ABHD18: variants seen among roughly 807,000 people sequenced by gnomAD.
The protein encoded by ABHD18 is abhydrolase domain containing 18, also known as cardiolipin-specific deacylase, mitochondrial.
A neutral mutation model predicts 65.9 loss-of-function variants in ABHD18; 55 were observed. The ratio of observed to expected loss-of-function variants is 0.84; its 90% CI spans 0.67 to 1.05. ABHD18 has a LOEUF of 1.05. Ranked by LOEUF, ABHD18 falls within the 50% of genes least tolerant of loss-of-function variation. The pLI is 0.00. For missense variants in ABHD18, 533 were observed against 558.5 expected (o/e 0.95, Z 0.46); for synonymous variants, 181 against 180.2 (o/e 1.00, Z -0.04).
chr4:127,976,380 C>T (rs1436875009), intron 1 of ABHD18, among the ~76,000 whole-genome samples: 6 of 152,092 alleles, frequency 3.9e-5, no homozygotes, highest in Non-Finnish European at 1.5e-5. Flanking sequence ...TTATTCTTCT[C>T]ATTAATTATA....
At chr4:128,024,127 G>A (rs1041798716) in intron 10 of ABHD18, among the ~76,000 whole-genome samples, 1 of 152,186 alleles carries the variant, frequency 6.6e-6, no homozygotes, top group African/African-American at 2.4e-5. Context: ...AGGCTAGAAA[G>A]TCCAAGGTTG....
intron 3 of ABHD18, among the ~76,000 whole-genome samples, chr4:127,986,065 TG>T (rs1257737124): frequency 6.6e-6 from 1 of 152,142 alleles, no homozygotes; most frequent in African/African-American, 2.4e-5. Context: ...TACAATTGAA[TG>T]GTTTTTAAAT....
chr4:127,997,165 A>G (rs1036721421), intron 4 of ABHD18, among the ~76,000 whole-genome samples: 4 of 152,252 alleles, frequency 2.6e-5, no homozygotes, highest in African/African-American at 9.6e-5. Context: ...GTAAGAAATT[A>G]TAAAAGTATT....
At chr4:128,014,146 G>A (rs1755077118) in intron 7 of ABHD18, among the ~76,000 whole-genome samples, 1 of 151,926 alleles carries the variant, frequency 6.6e-6, no homozygotes, top group African/African-American at 2.4e-5. Flanking sequence ...ACCACGCCCA[G>A]CTAATTTTGT....
intron 8 of ABHD18, among the ~76,000 whole-genome samples, chr4:128,018,107 G>A (rs936159743): frequency 3.3e-5 from 5 of 152,054 alleles, no homozygotes; most frequent in African/African-American, 1.2e-4. Context: ...TTTCACCTAG[G>A]AGTAACAGCT....
chr4:127,988,135 G>A (rs1245407663), intron 3 of ABHD18, among the ~76,000 whole-genome samples: 1 of 152,188 alleles, frequency 6.6e-6, no homozygotes, highest in Non-Finnish European at 1.5e-5. Context: ...CATGATAATA[G>A]TAGCGTTTTA....
intron 6 of ABHD18, 94 bp from the exon 7 acceptor site, chr4:128,011,579 A>G: frequency 1.1e-6 from 1 of 891,758 alleles, no homozygotes; most frequent in South Asian, 1.7e-5. Context: ...TTATTTCAGT[A>G]TTAAATTGTG....
intron 10 of ABHD18, among the ~76,000 whole-genome samples, chr4:128,025,760 G>A (rs1445794082): frequency 6.6e-6 from 1 of 152,166 alleles, no homozygotes; most frequent in East Asian, 1.9e-4. Context: ...CAAATTCAGT[G>A]TGTTATCAAA....
intron 7 of ABHD18, among the ~76,000 whole-genome samples, chr4:128,015,939 A>G (rs1755401764): frequency 6.6e-6 from 1 of 150,458 alleles, no homozygotes; most frequent in South Asian, 2.1e-4. Flanking sequence ...CCAAAAAGAT[A>G]TATTTAAATA....
chr4:127,981,323 A>T (rs1223149292), intron 1 of ABHD18, among the ~76,000 whole-genome samples: 1 of 152,216 alleles, frequency 6.6e-6, no homozygotes, highest in African/African-American at 2.4e-5. Flanking sequence ...AGATTTTTTT[A>T]AATTACCAAA....
chr4:128,008,281 TTTTTTTTTG>T (rs1753966452), intron 4 of ABHD18, among the ~76,000 whole-genome samples: 2 of 136,940 alleles, frequency 1.5e-5, no homozygotes, highest in African/African-American at 5.5e-5. Context: ...TTTTTTTTTT[TTTTTTTTTG>T]AGACGGAGTC....
chr4:128,034,658 C>CT (rs1002042490), intron 12 of ABHD18, among the ~76,000 whole-genome samples: 38 of 148,674 alleles, frequency 2.6e-4, no homozygotes, highest in African/African-American at 6.9e-4. Flanking sequence ...CTTTTTCTTT[C>CT]TTTTTTTTTT....
At chr4:128,001,732 C>A in intron 4 of ABHD18, 2 of 1,547,026 alleles carry the variant, frequency 1.3e-6, no homozygotes, top group Non-Finnish European at 8.7e-7. Context: ...TGATGAAATG[C>A]TTGATACCAA....
rs189311112 is a variant in ABHD18, at chr4:128,015,610, A to T, written c.471-1753A>T. On this transcript the variant is annotated intron_variant, in intron 7 of 12. Transcript: ENST00000645843. Reference sequence around the variant, plus strand: ...GGACGAAGGATAGCATAGTTTCCATAAAAAGAAACCCTCCCTTCTGGACTT... The same window carrying T: ...GGACGAAGGATAGCATAGTTTCCATTAAAAGAAACCCTCCCTTCTGGACTT... 2.2e-3 allele frequency among the ~76,000 whole-genome samples: 341 copies of T among 152,300 alleles called. 2 individuals carry two copies. Among genetic ancestry groups the T allele is most frequent in the African/African-American group, 7.7e-3 (318 of 41,566 alleles).
At chr4:128,009,952 A>G (rs1754256634) in intron 6 of ABHD18, among the ~76,000 whole-genome samples, 1 of 152,240 alleles carries the variant, frequency 6.6e-6, no homozygotes, top group Admixed American at 6.5e-5. Flanking sequence ...ACTGTGATTC[A>G]TAATATTGGA....
At chr4:127,982,791 T>C (rs1749283765) in intron 1 of ABHD18, 148 bp from the exon 2 acceptor site, 2 of 528,138 alleles carry the variant, frequency 3.8e-6, no homozygotes, top group Non-Finnish European at 6.6e-6. Context: ...CTCTTTTTTT[T>C]CCCCCAAATC....
intron 1 of ABHD18, among the ~76,000 whole-genome samples, chr4:127,979,099 A>G (rs1748502115): frequency 6.6e-6 from 1 of 152,208 alleles, no homozygotes; most frequent in Non-Finnish European, 1.5e-5. Context: ...CAACAAACCA[A>G]ATATTTATCA....
intron 12 of ABHD18, among the ~76,000 whole-genome samples, chr4:128,031,925 A>C (rs1758274966): frequency 6.6e-6 from 1 of 152,216 alleles, no homozygotes; most frequent in African/African-American, 2.4e-5. Context: ...AATAAACAAA[A>C]ATCCGTGACT....
intron 4 of ABHD18, among the ~76,000 whole-genome samples, chr4:127,999,157 G>A (rs184371191): frequency 4.6e-5 from 7 of 152,124 alleles, no homozygotes; most frequent in Admixed American, 2.6e-4. Context: ...GGTGGTGCAC[G>A]TCTGGAATCC....
Sources: allele counts gnomAD v4.1 joint callset (sites outside exome capture counted in the v4.1 genomes callset), GRCh38; gene constraint gnomAD v4.1.1; transcripts MANE v1.5; gene names NCBI Gene and HGNC (gene_info 2026-07-23, HGNC 2026-07-21).